BCAT1: variants seen among roughly 807,000 people sequenced by gnomAD.
BCAT1 encodes the protein branched-chain-amino-acid aminotransferase, cytosolic.
Under a neutral mutation model 52.4 loss-of-function variants are expected in BCAT1, and 48 were observed. That is an observed-to-expected ratio of 0.92 (90% CI 0.73 to 1.16). The LOEUF (loss-of-function observed/expected upper bound fraction) is 1.16, where lower values mean the gene tolerates loss of function less well. Ranked by LOEUF, BCAT1 falls within the 50% of genes most tolerant of loss-of-function variation. The pLI, the probability that BCAT1 is intolerant of heterozygous loss-of-function variation, is 0.00. For missense variants in BCAT1, 451 were observed against 457.1 expected, an observed-to-expected ratio of 0.99 and a Z score of 0.12; for synonymous variants, 167 against 161.3, an observed-to-expected ratio of 1.04 and a Z score of -0.27.
intron 5 of BCAT1, among the ~76,000 whole-genome samples, chr12:24,860,365 C>A (rs1013205845): frequency 6.6e-6 from 1 of 152,010 alleles, no homozygotes; most frequent in Admixed American, 6.5e-5. Context: ...TGTTGCTGAT[C>A]CTTTGTTTCA....
At chr12:24,870,329 G>T (rs906695866) in intron 5 of BCAT1, among the ~76,000 whole-genome samples, 18 of 152,082 alleles carry the variant, frequency 1.2e-4, no homozygotes, top group African/African-American at 3.9e-4. Flanking sequence ...TATAAAATCT[G>T]GTTAAATACA....
intron 1 of BCAT1, among the ~76,000 whole-genome samples, chr12:24,912,269 C>G (rs1943339003): frequency 6.6e-6 from 1 of 152,144 alleles, no homozygotes; most frequent in Non-Finnish European, 1.5e-5. Flanking sequence ...AATCCCAGCA[C>G]TTTGGGAGGC....
chr12:24,850,173 A>T (rs1204448406), intron 5 of BCAT1, among the ~76,000 whole-genome samples: 1 of 152,144 alleles, frequency 6.6e-6, no homozygotes, highest in Non-Finnish European at 1.5e-5. Flanking sequence ...AGTTGTTAGG[A>T]TTTTAGCAAA....
intron 7 of BCAT1, 36 bp from the exon 8 acceptor site, chr12:24,836,632 A>C: frequency 3.9e-6 from 6 of 1,527,766 alleles, no homozygotes; most frequent in Non-Finnish European, 5.4e-6. Flanking sequence ...TCAAACTTTC[A>C]CTACATTAGG....
chr12:24,869,238 A>C (rs1334996285), intron 5 of BCAT1, among the ~76,000 whole-genome samples: 1 of 152,182 alleles, frequency 6.6e-6, no homozygotes, highest in African/African-American at 2.4e-5. Context: ...TGAGACAGCC[A>C]AGTGGGAAGA....
intron 5 of BCAT1, among the ~76,000 whole-genome samples, chr12:24,873,030 T>A (rs1183175387): frequency 6.6e-6 from 1 of 152,246 alleles, no homozygotes. Context: ...AAGGTCTGGG[T>A]CTGTGTGTCC....
chr12:24,818,177 T>C, intron 10 of BCAT1, 128 bp from the exon 11 acceptor site: 1 of 846,844 alleles, frequency 1.2e-6, no homozygotes, highest in Non-Finnish European at 1.9e-6. Context: ...ATTTTCACAT[T>C]AAACATGTTC....
intron 7 of BCAT1, among the ~76,000 whole-genome samples, chr12:24,837,433 C>G (rs2045526466): frequency 7.2e-6 from 1 of 139,122 alleles, no homozygotes; most frequent in South Asian, 2.3e-4. Flanking sequence ...CTTGGAAAGT[C>G]TAATTTTTTT....
At chr12:24,885,366 T>C (rs1236212463) in intron 3 of BCAT1, among the ~76,000 whole-genome samples, 2 of 151,990 alleles carry the variant, frequency 1.3e-5, no homozygotes, top group East Asian at 3.9e-4. Context: ...ATAAGGAAAA[T>C]ATAAAACTTT....
chr12:24,911,804 G>A (rs1042370594), intron 1 of BCAT1, among the ~76,000 whole-genome samples: 1 of 152,118 alleles, frequency 6.6e-6, no homozygotes, highest in African/African-American at 2.4e-5. Context: ...ACCTTAAAAA[G>A]GAGTGACAGA....
At chr12:24,888,482 G>A (rs1458203283) in intron 3 of BCAT1, among the ~76,000 whole-genome samples, 2 of 152,192 alleles carry the variant, frequency 1.3e-5, no homozygotes, top group African/African-American at 2.4e-5. Context: ...CTGGGCGACA[G>A]AGCAAGACCT....
At chr12:24,836,903 AAAGAGAG>A (rs1476345470) in intron 7 of BCAT1, among the ~76,000 whole-genome samples, 2 of 40,768 alleles carry the variant, frequency 4.9e-5, no homozygotes, top group African/African-American at 1.7e-4. Flanking sequence ...GAAAGAAAAG[AAAGAGAG>A]AAAGAAAGAA....
intron 10 of BCAT1, among the ~76,000 whole-genome samples, chr12:24,822,852 T>C (rs562424267): frequency 8.5e-5 from 13 of 152,306 alleles, no homozygotes; most frequent in African/African-American, 3.1e-4. Context: ...TATACTTTAC[T>C]ACCAACGGTG....
chr12:24,856,826 C>CA (rs1297803030), intron 5 of BCAT1, among the ~76,000 whole-genome samples: 1 of 152,182 alleles, frequency 6.6e-6, no homozygotes, highest in Non-Finnish European at 1.5e-5. Flanking sequence ...TGGTCAGTTA[C>CA]AAACTTTTCT....
At chr12:24,842,608 T>C (rs1941208985) in intron 6 of BCAT1, among the ~76,000 whole-genome samples, 1 of 152,210 alleles carries the variant, frequency 6.6e-6, no homozygotes, top group African/African-American at 2.4e-5. Flanking sequence ...GACACTATCA[T>C]TATTTCCATT....
In BCAT1 at chr12:24,927,430, T is replaced by C. The variant is rs1037146920; in HGVS notation, c.6+21497A>G. The stretch of plus-strand genomic sequence containing the variant: ...CTGGAAAAACCTAGAATGTTATTTT[T>C]CCTTAAAAATCTACCAGTGACTCCA... On this transcript the variant is annotated intron_variant, in intron 1 of 10. Transcript: ENST00000261192. Among the ~76,000 whole-genome samples, 9 of 152,342 alleles carry C rather than the reference T, an allele frequency of 5.9e-5. No individual in the cohort carries two copies. In the East Asian group the frequency reaches 1.2e-3, roughly 20 times the overall value.
At chr12:24,907,734 T>G (rs1943249231) in intron 1 of BCAT1, among the ~76,000 whole-genome samples, 1 of 152,218 alleles carries the variant, frequency 6.6e-6, no homozygotes, top group South Asian at 2.1e-4. Context: ...TCCTCGCCCT[T>G]GAGAATGTAC....
chr12:24,873,125 GTGT>G (rs1441122401), intron 5 of BCAT1, among the ~76,000 whole-genome samples: 3 of 152,208 alleles, frequency 2.0e-5, no homozygotes, highest in Non-Finnish European at 4.4e-5. Flanking sequence ...CTTGGATGTA[GTGT>G]TGTTAAGTAT....
chr12:24,876,934 A>G (rs1942364663), intron 5 of BCAT1, among the ~76,000 whole-genome samples: 2 of 152,094 alleles, frequency 1.3e-5, no homozygotes, highest in Non-Finnish European at 2.9e-5. Context: ...CTACCTGCAC[A>G]TGTACCCTGG....
Sources: gnomAD v4.1 joint callset for allele counts (sites outside exome capture counted in the v4.1 genomes callset) on GRCh38, gnomAD v4.1.1 for gene constraint, MANE v1.5 for transcripts, NCBI Gene and HGNC (gene_info 2026-07-23, HGNC 2026-07-21) for gene names.